Variants in LRRC38 observed in about 807,000 individuals in gnomAD.
The protein encoded by LRRC38 is leucine rich repeat containing 38.
In LRRC38, 5 loss-of-function variants were observed where a neutral mutation model predicts 16.4. The observed-to-expected ratio is 0.31, with a 90% CI of 0.16 to 0.64. LRRC38 has a LOEUF of 0.64. Ranked by LOEUF, LRRC38 falls within the 30% of genes least tolerant of loss-of-function variation. The probability of loss-of-function intolerance (pLI) is 0.80; values close to 1 mark genes in which losing one functional copy is unlikely to be tolerated. For missense variants in LRRC38, 341 were observed against 401.8 expected (o/e 0.85, Z 1.29); for synonymous variants, 191 against 190.2 (o/e 1.00, Z -0.04).
Position 13,513,212 on chromosome 1 carries a change from C to G in LRRC38, c.382G>C (p.Gly128Arg). 6.4e-7 allele frequency: 1 copy of G among 1,550,508 alleles called. No individual in the cohort carries two copies. Among genetic ancestry groups the G allele is most frequent in the Non-Finnish European group, 8.7e-7 (1 of 1,146,970 alleles). The change falls in exon 1 of 2, where the codon GGG becomes CGG. Residue 128 changes from glycine to arginine, a missense_variant. Coordinates refer to ENST00000376085, the MANE Select transcript of LRRC38 (RefSeq NM_001010847.2). ...GCCAGGCTAAGCTTCACCAGCCTCC[C>G]GGCCGAGCGGAAGGCGCCGGCGCCC... ...QLGAGAFRSA[G>R]RLVKLSLANN...
Position 13,512,974 on chromosome 1 carries a change from T to C in LRRC38, c.620A>G (p.Lys207Arg). ...LFSWIQENASKLPKGLDEIQC... is the reference protein window; with the variant it reads ...LFSWIQENASRLPKGLDEIQC... ...CCGGCTCGGCTCACCTTTGGGCAGT[T>C]TGGATGCGTTCTCCTGGATCCAGGA... is the stretch of plus-strand genomic sequence containing the variant. The change falls in exon 1 of 2, where the codon AAA (lysine) becomes AGA (arginine). Residue 207 changes from lysine to arginine, a missense_variant. Transcript: ENST00000376085. The C allele has an allele frequency of 7.2e-7, 1 of 1,389,342 alleles. No homozygotes were observed. The highest frequency in any genetic ancestry group is 9.5e-7 in the Non-Finnish European group (1 of 1,047,320). 86.1% of individuals were successfully genotyped at this position (1,389,342 alleles called of 1,614,324 possible).
chr1:13,491,830 C>A (rs1028447126), intron 1 of LRRC38, among the ~76,000 whole-genome samples: 4 of 152,104 alleles, frequency 2.6e-5, no homozygotes, highest in African/African-American at 9.7e-5. Context: ...CATGTGCCAC[C>A]ACGCCCAGCT....
intron 1 of LRRC38, among the ~76,000 whole-genome samples, chr1:13,506,705 C>A (rs1425683931): frequency 6.6e-6 from 1 of 152,218 alleles, no homozygotes; most frequent in Non-Finnish European, 1.5e-5. Flanking sequence ...GTGATTCGCC[C>A]GCCTTGGCCT....
In LRRC38 at chr1:13,513,125, G is replaced by T. The variant is rs986310088; in HGVS notation, c.469C>A (p.Leu157Met). 1 of 1,550,310 alleles carries T rather than the reference G, an allele frequency of 6.5e-7. No homozygotes were observed. The highest frequency in any genetic ancestry group is 1.4e-5 in the African/African-American group (1 of 73,034). Residue 157 changes from leucine to methionine, a missense_variant, in exon 1 of 2, where the codon CTG becomes ATG. Physicochemically the swap from Leu to Met is conservative, Grantham distance 15. Transcript: ENST00000376085. ...AFETLESLQV[L>M]ELNDNNLRSL... ...CGCAGGTTGTTGTCGTTGAGCTCCA[G>T]CACCTGCAGCGACTCCAGGGTCTCG...
At chr1:13,509,196 C>G (rs147377632) in intron 1 of LRRC38, among the ~76,000 whole-genome samples, 4 of 152,102 alleles carry the variant, frequency 2.6e-5, no homozygotes, top group Non-Finnish European at 4.4e-5. Flanking sequence ...CACCTCCATG[C>G]GTCAAGGTTG....
rs1015373657 is a variant in LRRC38, at chr1:13,485,295, C to T, written c.632-9196G>A. On this transcript the variant is annotated intron_variant, in intron 1 of 1. Transcript: ENST00000376085. ...CCCACCTTAAAAAAAAAAAAAAAAA[C>T]GGCCAGGCACAGTGGCTCACGCCTG... is the stretch of plus-strand genomic sequence containing the variant. 1.3e-4 allele frequency among the ~76,000 whole-genome samples: 10 copies of T among 76,210 alleles called. No homozygotes were observed. The South Asian group carries it at 1.5e-3, about 12-fold the overall frequency. The allele number at this position is 76,210 out of a possible 152,430, so 50.0% of individuals were successfully genotyped here.
chr1:13,510,988 G>A (rs1639267530), intron 1 of LRRC38, among the ~76,000 whole-genome samples: 1 of 152,170 alleles, frequency 6.6e-6, no homozygotes, highest in African/African-American at 2.4e-5. Context: ...GCTGCTCATG[G>A]CACTGCACCC....
chr1:13,508,977 T>C (rs1443855859), intron 1 of LRRC38, among the ~76,000 whole-genome samples: 3 of 152,150 alleles, frequency 2.0e-5, no homozygotes, highest in Non-Finnish European at 1.5e-5. Flanking sequence ...CCTGCCATGA[T>C]GCCCTTCCTA....
intron 1 of LRRC38, among the ~76,000 whole-genome samples, chr1:13,490,462 T>C (rs1354175017): frequency 6.6e-6 from 1 of 152,126 alleles, no homozygotes; most frequent in Non-Finnish European, 1.5e-5. Context: ...CCCAGCCTTA[T>C]AGAAAATTAT....
chr1:13,489,149 A>C (rs936175040), intron 1 of LRRC38, among the ~76,000 whole-genome samples: 5 of 152,232 alleles, frequency 3.3e-5, no homozygotes, highest in Middle Eastern at 6.8e-3. Context: ...AAGGACAAAC[A>C]TGGAAGGTTC....
At chr1:13,492,604 A>C (rs1048556633) in intron 1 of LRRC38, among the ~76,000 whole-genome samples, 3 of 152,120 alleles carry the variant, frequency 2.0e-5, no homozygotes, top group African/African-American at 7.2e-5. Flanking sequence ...CAGGAGGCTA[A>C]GGTACAAGAA....
Position 13,513,232 on chromosome 1 carries a change from G to A in LRRC38, c.362C>T (p.Ala121Val). Residue 121 changes from alanine (A) to valine (V), a missense_variant, in exon 1 of 2, where the codon GCC (alanine) becomes GTC (valine). Transcript: ENST00000376085. ...CCTCCCGGCCGAGCGGAAGGCGCCGGCGCCCAGCTGGGTCAAGTTGTTGTA... is the reference window on the plus strand; with the variant it reads ...CCTCCCGGCCGAGCGGAAGGCGCCGACGCCCAGCTGGGTCAAGTTGTTGTA... ...LSYNNLTQLG[A>V]GAFRSAGRLV... 6.4e-7 allele frequency: 1 copy of A among 1,550,458 alleles called. No individual in the cohort carries two copies. Among genetic ancestry groups the A allele is most frequent in the South Asian group, 1.2e-5 (1 of 84,056 alleles).
At chr1:13,497,178 G>C (rs576016274) in intron 1 of LRRC38, among the ~76,000 whole-genome samples, 2 of 152,212 alleles carry the variant, frequency 1.3e-5, no homozygotes, top group South Asian at 4.2e-4. Flanking sequence ...TTCATGATAC[G>C]GGAGCCCCTG....
intron 1 of LRRC38, among the ~76,000 whole-genome samples, chr1:13,481,956 C>T (rs976443668): frequency 6.6e-6 from 1 of 152,126 alleles, no homozygotes; most frequent in African/African-American, 2.4e-5. Context: ...TAAATGCCTG[C>T]TTGTTAAGCC....
chr1:13,508,271 T>C (rs909004528), intron 1 of LRRC38, among the ~76,000 whole-genome samples: 2 of 152,178 alleles, frequency 1.3e-5, no homozygotes, highest in African/African-American at 2.4e-5. Flanking sequence ...TTTCACCCTG[T>C]GTTTCCACCC....
rs1638877967 is a variant in LRRC38, at chr1:13,482,197, AG to A, written c.632-6099del. Among the ~76,000 whole-genome samples the A allele has an allele frequency of 1.3e-5, 2 of 152,138 alleles. 1 individual carries two copies. The highest frequency in any genetic ancestry group is 4.8e-5 in the African/African-American group (2 of 41,412). ...GAGTGGGAGGAAGAGAGAGAGACAG[AG>A]AGAGGTGGCCCTGGCCTCTTGGAGC... On this transcript the variant is annotated intron_variant, in intron 1 of 1. Coordinates refer to ENST00000376085, the MANE Select transcript of LRRC38 (RefSeq NM_001010847.2).
Position 13,513,037 on chromosome 1 carries a change from T to C in LRRC38, c.557A>G (p.Asn186Ser). 3 of 1,527,202 alleles carry C rather than the reference T, an allele frequency of 2.0e-6. No homozygotes were observed. The highest frequency in any genetic ancestry group is 2.6e-6 in the Non-Finnish European group (3 of 1,134,214). The allele number at this position is 1,527,202 out of a possible 1,614,324, so 94.6% of individuals were successfully genotyped here. A position where few individuals can be genotyped will look rare whatever the true frequency, so the allele number is the denominator to read the frequency against. Residue 186 changes from asparagine (N) to serine (S), a missense_variant, in exon 1 of 2, where the codon AAC becomes AGC. Transcript: ENST00000376085. ...PALRSLRLDGNPWLCDCDFAH... is the reference protein window; with the variant it reads ...PALRSLRLDGSPWLCDCDFAH... Reference sequence around the variant, plus strand: ...GAAGTCACAGTCGCACAGCCAGGGGTTCCCGTCCAGACGCAGGGAGCGCAG... The same window carrying C: ...GAAGTCACAGTCGCACAGCCAGGGGCTCCCGTCCAGACGCAGGGAGCGCAG...
intron 1 of LRRC38, among the ~76,000 whole-genome samples, chr1:13,495,508 C>G (rs1477879775): frequency 6.6e-6 from 1 of 152,008 alleles, no homozygotes; most frequent in African/African-American, 2.4e-5. Flanking sequence ...AGAGGAGTGA[C>G]TGCTCTGGGT....
intron 1 of LRRC38, among the ~76,000 whole-genome samples, chr1:13,490,175 T>C (rs902842077): frequency 1.3e-5 from 2 of 152,122 alleles, no homozygotes; most frequent in Non-Finnish European, 2.9e-5. Flanking sequence ...TTTTTGTTTT[T>C]AGACAGAGTC....
Sources: allele counts gnomAD v4.1 joint callset (sites outside exome capture counted in the v4.1 genomes callset), GRCh38; gene constraint gnomAD v4.1.1; transcripts MANE v1.5; gene names NCBI Gene and HGNC (gene_info 2026-07-23, HGNC 2026-07-21).